COL24A1: variants seen among roughly 807,000 people sequenced by gnomAD.
The protein encoded by COL24A1 is collagen alpha-1(XXIV) chain.
A neutral mutation model predicts 253.9 loss-of-function variants in COL24A1; 224 were observed. The ratio of observed to expected loss-of-function variants is 0.88; its 90% confidence interval spans 0.79 to 0.99. The LOEUF is 0.99. Among genes scored for constraint, COL24A1 ranks in the 50% least tolerant of loss-of-function variants. The probability of loss-of-function intolerance (pLI) is 0.00; values close to 1 mark genes in which losing one functional copy is unlikely to be tolerated. For synonymous variants in COL24A1, 685 were observed against 673.7 expected (o/e 1.02, Z -0.26); for missense variants, 2,131 against 2,068.5 (o/e 1.03, Z -0.59).
intron 55 of COL24A1, among the ~76,000 whole-genome samples, chr1:85,760,197 T>A (rs1666712528): frequency 6.6e-6 from 1 of 151,946 alleles, no homozygotes; most frequent in South Asian, 2.1e-4. Context: ...CTCAGCCTCC[T>A]GAGTAGCTGG....
intron 24 of COL24A1, among the ~76,000 whole-genome samples, chr1:85,947,236 A>G (rs974487943): frequency 6.6e-6 from 1 of 152,226 alleles, no homozygotes; most frequent in African/African-American, 2.4e-5. Flanking sequence ...AACTGATCCT[A>G]GTTGCTACCA....
At chr1:85,832,923 T>G (rs1327476483) in intron 43 of COL24A1, among the ~76,000 whole-genome samples, 2 of 151,378 alleles carry the variant, frequency 1.3e-5, no homozygotes, top group Non-Finnish European at 2.9e-5. Flanking sequence ...TTTATTTCCT[T>G]CTCCTGCCTA....
intron 24 of COL24A1, among the ~76,000 whole-genome samples, chr1:85,955,358 A>AT (rs1437788416): frequency 6.6e-6 from 1 of 152,068 alleles, no homozygotes; most frequent in Non-Finnish European, 1.5e-5. Flanking sequence ...ATGTGATCTG[A>AT]TTTTTCCAGG....
chr1:85,830,770 C>T (rs1042545886), intron 43 of COL24A1, among the ~76,000 whole-genome samples: 2 of 152,136 alleles, frequency 1.3e-5, no homozygotes, highest in Non-Finnish European at 2.9e-5. Context: ...AATGCCTTGC[C>T]CTGCTTCGGC....
At chr1:85,912,715 A>G (rs1685492923) in intron 24 of COL24A1, among the ~76,000 whole-genome samples, 1 of 152,200 alleles carries the variant, frequency 6.6e-6, no homozygotes, top group South Asian at 2.1e-4. Context: ...CAGATGAATT[A>G]AACAGTTTGC....
At chr1:85,737,589 G>C in intron 57 of COL24A1, 84 bp from the exon 58 acceptor site, 2 of 931,546 alleles carry the variant, frequency 2.1e-6, no homozygotes, top group Non-Finnish European at 1.6e-6. Context: ...GAGAGAGAGA[G>C]TCTCATTCTG....
At chr1:85,880,293 T>G (rs567139998) in intron 32 of COL24A1, among the ~76,000 whole-genome samples, 1 of 152,328 alleles carries the variant, frequency 6.6e-6, no homozygotes, top group African/African-American at 2.4e-5. Flanking sequence ...TATTGTGTTT[T>G]TCATTTTAAA....
chr1:85,860,388 C>G (rs1679003866), intron 37 of COL24A1, among the ~76,000 whole-genome samples: 1 of 152,142 alleles, frequency 6.6e-6, no homozygotes, highest in East Asian at 1.9e-4. Context: ...TAGCCCTAGG[C>G]AACCACTAAT....
intron 14 of COL24A1, among the ~76,000 whole-genome samples, chr1:86,024,101 A>C (rs1697800335): frequency 1.3e-5 from 2 of 151,668 alleles, no homozygotes; most frequent in South Asian, 4.2e-4. Flanking sequence ...CATTGTCCTC[A>C]TTTCCCTTCC....
In COL24A1 at chr1:85,868,605, G is replaced by C; in HGVS notation, c.3214C>G (p.Leu1072Val). ...GLKGVPGGRG[L>V]PGEDGEKGEM... ...CCTTTTTCTCCATCCTCTCCAGGAA[G>C]TCCCCTTCCTCCTGGTACTCCCTGT... is the stretch of plus-strand genomic sequence containing the variant. Residue 1072 changes from leucine to valine, a missense_variant, in exon 37 of 60, where the codon CTT (leucine) becomes GTT (valine). Leu to Val is a conservative substitution (Grantham distance 32). Coordinates refer to ENST00000370571, the MANE Select transcript of COL24A1 (RefSeq NM_152890.7). 1 of 1,613,636 alleles carries C rather than the reference G, an allele frequency of 6.2e-7. No homozygotes were observed. Among genetic ancestry groups the C allele is most frequent in the Non-Finnish European group, 8.5e-7 (1 of 1,179,758 alleles).
chr1:85,820,328 T>A (rs1424232231), intron 45 of COL24A1, among the ~76,000 whole-genome samples: 4 of 152,196 alleles, frequency 2.6e-5, no homozygotes, highest in Non-Finnish European at 5.9e-5. Context: ...AATGTCTTTC[T>A]GAGTCCTCCA....
chr1:85,838,833 A>T (rs1175611234), intron 42 of COL24A1, among the ~76,000 whole-genome samples, 195 bp from the exon 43 acceptor site: 1 of 152,244 alleles, frequency 6.6e-6, no homozygotes, highest in East Asian at 1.9e-4. Flanking sequence ...TACACCAACC[A>T]GTGAATTATA....
intron 2 of COL24A1, among the ~76,000 whole-genome samples, chr1:86,130,491 T>C (rs763105099): frequency 1.3e-5 from 2 of 151,912 alleles, no homozygotes; most frequent in Admixed American, 6.6e-5. Context: ...TGTATTTTTA[T>C]TCTAAGGGTT....
intron 1 of COL24A1, among the ~76,000 whole-genome samples, chr1:86,153,914 G>A (rs1374422013): frequency 1.3e-5 from 2 of 152,008 alleles, no homozygotes; most frequent in African/African-American, 4.8e-5. Flanking sequence ...ATTCACGTTA[G>A]GCAACCCATA....
At position 86,125,004 on chromosome 1, in the gene COL24A1, G is replaced by C. The variant is rs993947747; in HGVS notation, c.1332C>G (p.His444Gln). Residue 444 changes from histidine (H) to glutamine (Q), a missense_variant, in exon 3 of 60, where the codon CAC becomes CAG. Coordinates refer to ENST00000370571, the MANE Select transcript of COL24A1 (RefSeq NM_152890.7). ...ATTCACCTTCTTTCCTTAGATCAAGGTGATTATCCACAGATGGCTCATTTG... is the reference window on the plus strand; with the variant it reads ...ATTCACCTTCTTTCCTTAGATCAAGCTGATTATCCACAGATGGCTCATTTG... ...RVTNEPSVDN[H>Q]LDLRKEGEFY... is the part of the protein sequence containing the mutation. The C allele has an allele frequency of 6.2e-7, 1 of 1,613,116 alleles. No homozygotes were observed.
At chr1:85,875,519 G>A (rs76296007) in intron 33 of COL24A1, among the ~76,000 whole-genome samples, 189 bp from the exon 34 acceptor site, 1,678 of 152,120 alleles carry the variant, frequency 0.011, 31 homozygotes, top group African/African-American at 0.039. Flanking sequence ...AGACAACTTC[G>A]TCTAAAATTA....
At chr1:86,087,973 T>A (rs994073345) in intron 7 of COL24A1, among the ~76,000 whole-genome samples, 1 of 152,162 alleles carries the variant, frequency 6.6e-6, no homozygotes, top group Non-Finnish European at 1.5e-5. Flanking sequence ...TTTTCATTAT[T>A]TTACAATTCA....
At chr1:85,739,914 C>G (rs186884218) in intron 57 of COL24A1, among the ~76,000 whole-genome samples, 7 of 152,294 alleles carry the variant, frequency 4.6e-5, no homozygotes, top group Non-Finnish European at 5.9e-5. Flanking sequence ...TCTTCTCTTT[C>G]CAGTTCACTC....
intron 14 of COL24A1, among the ~76,000 whole-genome samples, chr1:86,026,916 T>C (rs922000266): frequency 1.3e-5 from 2 of 152,146 alleles, no homozygotes; most frequent in African/African-American, 4.8e-5. Flanking sequence ...CAGGGTAAGA[T>C]GAAAAACTTC....
Sources: allele counts gnomAD v4.1 joint callset (sites outside exome capture counted in the v4.1 genomes callset), GRCh38; gene constraint gnomAD v4.1.1; transcripts MANE v1.5; gene names NCBI Gene and HGNC (gene_info 2026-07-23, HGNC 2026-07-21).